Variants in HPSE2 observed in about 807,000 individuals in gnomAD.
HPSE2 encodes heparanase 2 (inactive).
A neutral mutation model predicts 60.5 loss-of-function variants in HPSE2; 38 were observed. The observed-to-expected ratio is 0.63, with a 90% CI of 0.48 to 0.82. The LOEUF is 0.82. Ranked by LOEUF, HPSE2 falls within the 40% of genes least tolerant of loss-of-function variation. The pLI, the probability that HPSE2 is intolerant of heterozygous loss-of-function variation, is 0.00. For synonymous variants in HPSE2, 295 were observed against 293.2 expected (o/e 1.01, Z -0.06); for missense variants, 713 against 740.4 (o/e 0.96, Z 0.43).
intron 9 of HPSE2, among the ~76,000 whole-genome samples, chr10:98,524,583 AG>A (rs1239706272): frequency 6.6e-6 from 1 of 152,190 alleles, no homozygotes; most frequent in Non-Finnish European, 1.5e-5. Context: ...ATAATATAGA[AG>A]GACAGGGAAA....
At chr10:99,280,667 T>C in the HPSE2 span, among the ~76,000 whole-genome samples, 9 of 152,284 alleles carry the variant, frequency 5.9e-5, no homozygotes, top group East Asian at 1.5e-3. Context: ...TTTGCATATG[T>C]AACACAGCTC....
intron 4 of HPSE2, among the ~76,000 whole-genome samples, chr10:98,724,656 T>C (rs1201245429): frequency 6.6e-6 from 1 of 152,206 alleles, no homozygotes; most frequent in African/African-American, 2.4e-5. Context: ...GCTCCTGTAC[T>C]GGGTGCATAT....
At chr10:98,799,931 A>T (rs1424594181) in intron 3 of HPSE2, among the ~76,000 whole-genome samples, 1 of 152,178 alleles carries the variant, frequency 6.6e-6, no homozygotes, top group Non-Finnish European at 1.5e-5. Context: ...AATAATAAAG[A>T]TCAGAGCAGA....
the HPSE2 span, among the ~76,000 whole-genome samples, chr10:99,302,592 G>C: frequency 6.6e-6 from 1 of 152,164 alleles, no homozygotes; most frequent in Non-Finnish European, 1.5e-5. Flanking sequence ...AGAACAGAAA[G>C]GCTTACAAAA....
chr10:98,539,519 T>TCAAA lies in HPSE2; in HGVS notation c.1321-49327_1321-49324dup, dbSNP rs560536661. Reference sequence around the variant, plus strand: ...CTGGGCGACAGAGCGAGACTCTGTCTCAAACAAACAAACAAACAAACAAAC... The same window carrying TCAAA: ...CTGGGCGACAGAGCGAGACTCTGTCTCAAACAAACAAACAAACAAACAAACAAAC... On this transcript the variant is annotated intron_variant, in intron 9 of 11. Transcript: ENST00000370552. 6.3e-3 allele frequency among the ~76,000 whole-genome samples: 957 copies of TCAAA among 152,128 alleles called. 1 individual carries two copies. The highest frequency in any genetic ancestry group is 0.01 in the East Asian group (54 of 5,172).
At chr10:99,032,469 C>T (rs1257614695) in intron 3 of HPSE2, among the ~76,000 whole-genome samples, 1 of 152,148 alleles carries the variant, frequency 6.6e-6, no homozygotes, top group Non-Finnish European at 1.5e-5. Flanking sequence ...CTCCCTGCCC[C>T]ATCCCTTTCA....
chr10:98,540,925 A>G (rs1398568963), intron 9 of HPSE2, among the ~76,000 whole-genome samples: 2 of 152,232 alleles, frequency 1.3e-5, no homozygotes, highest in African/African-American at 4.8e-5. Context: ...TATAAACTGT[A>G]TCAAATAAAA....
At chr10:99,133,896 T>G (rs1253052638) in intron 3 of HPSE2, among the ~76,000 whole-genome samples, 1 of 152,098 alleles carries the variant, frequency 6.6e-6, no homozygotes, top group Non-Finnish European at 1.5e-5. Context: ...AGAAGTAGGC[T>G]TCAGAAGGTG....
At chr10:98,522,148 G>A (rs2133776001) in intron 9 of HPSE2, among the ~76,000 whole-genome samples, 1 of 148,396 alleles carries the variant, frequency 6.7e-6, no homozygotes, top group African/African-American at 2.5e-5. Flanking sequence ...AAAAAAAAAA[G>A]AATCAACTAC....
At chr10:98,745,613 C>A (rs1949611076) in intron 3 of HPSE2, among the ~76,000 whole-genome samples, 1 of 152,176 alleles carries the variant, frequency 6.6e-6, no homozygotes, top group African/African-American at 2.4e-5. Context: ...CCCCATTGAC[C>A]TTTGCTCTCC....
chr10:99,279,579 A>G, the HPSE2 span, among the ~76,000 whole-genome samples: 1 of 152,222 alleles, frequency 6.6e-6, no homozygotes, highest in African/African-American at 2.4e-5. Flanking sequence ...TTTGAGTGGT[A>G]GGTTTTAACA....
At chr10:99,082,631 T>C (rs1843185529) in intron 3 of HPSE2, among the ~76,000 whole-genome samples, 2 of 152,234 alleles carry the variant, frequency 1.3e-5, no homozygotes, top group South Asian at 4.1e-4. Flanking sequence ...CACTAGAACG[T>C]TGGCTCCAGG....
intron 3 of HPSE2, among the ~76,000 whole-genome samples, chr10:98,817,529 G>T (rs762570980): frequency 6.6e-6 from 1 of 152,050 alleles, no homozygotes; most frequent in East Asian, 1.9e-4. Flanking sequence ...ATTGCTTCTC[G>T]CTAGAGCAGT....
At chr10:99,205,313 G>A (rs766396109) in intron 2 of HPSE2, among the ~76,000 whole-genome samples, 1 of 152,166 alleles carries the variant, frequency 6.6e-6, no homozygotes, top group Non-Finnish European at 1.5e-5. Context: ...AATAGGCCAG[G>A]TGTAGTGGCT....
chr10:98,486,265 A>C (rs1309345565), intron 10 of HPSE2, among the ~76,000 whole-genome samples: 1 of 152,216 alleles, frequency 6.6e-6, no homozygotes, highest in Non-Finnish European at 1.5e-5. Context: ...CTCTGACCAC[A>C]GAAAAATAAT....
At chr10:99,197,693 A>C (rs1472872094) in intron 2 of HPSE2, among the ~76,000 whole-genome samples, 1 of 152,226 alleles carries the variant, frequency 6.6e-6, no homozygotes, top group Non-Finnish European at 1.5e-5. Flanking sequence ...AAGATAAACA[A>C]GACAGAGAGA....
At position 98,580,863 on chromosome 10, in the gene HPSE2, T is replaced by TGTGTGTGTGTGA. The variant is rs758991622; in HGVS notation, c.1320+34040_1320+34041insTCACACACACAC. Among the ~76,000 whole-genome samples the TGTGTGTGTGTGA allele has an allele frequency of 8.9e-3, 1,265 of 142,578 alleles. 20 individuals are homozygous for TGTGTGTGTGTGA. Among genetic ancestry groups the TGTGTGTGTGTGA allele is most frequent in the African/African-American group, 0.024 (925 of 38,040 alleles). The allele number at this position is 142,578 out of a possible 152,430, so 93.5% of individuals were successfully genotyped here. A position where few individuals can be genotyped will look rare whatever the true frequency, so the allele number is the denominator to read the frequency against. The stretch of plus-strand genomic sequence containing the variant: ...GTGTGTGTGTGTGTGTGTGTGTGTG[T>TGTGTGTGTGTGA]GATAAACATGATATATATAAAATAT... On this transcript the variant is annotated intron_variant, in intron 9 of 11. Transcript: ENST00000370552.
intron 2 of HPSE2, among the ~76,000 whole-genome samples, chr10:99,187,641 C>T (rs923542132): frequency 6.6e-6 from 1 of 152,186 alleles, no homozygotes; most frequent in Non-Finnish European, 1.5e-5. Context: ...AAACAATGTT[C>T]ATTATCATTA....
At chr10:98,746,867 G>C (rs139390869) in intron 3 of HPSE2, among the ~76,000 whole-genome samples, 497 of 151,482 alleles carry the variant, frequency 3.3e-3, no homozygotes, top group African/African-American at 0.011. Flanking sequence ...GTGGGGAGAG[G>C]GAAACAATGC....
Sources: gnomAD v4.1 joint callset for allele counts (sites outside exome capture counted in the v4.1 genomes callset) on GRCh38, gnomAD v4.1.1 for gene constraint, MANE v1.5 for transcripts, NCBI Gene and HGNC (gene_info 2026-07-23, HGNC 2026-07-21) for gene names.